The following TBX15 variants were observed in gnomAD, a reference collection of about 807,000 sequenced individuals.
The protein encoded by TBX15 is T-box transcription factor TBX15.
A neutral mutation model predicts 53.9 loss-of-function variants in TBX15; 18 were observed. The observed-to-expected ratio is 0.33, with a 90% CI of 0.23 to 0.49. The LOEUF is 0.49. Ranked by LOEUF, TBX15 falls within the 20% of genes least tolerant of loss-of-function variation. TBX15 has a pLI of 0.98. For missense variants in TBX15, 692 were observed against 749.5 expected, an observed-to-expected ratio of 0.92 and a Z score of 0.90; for synonymous variants, 295 against 278.0, an observed-to-expected ratio of 1.06 and a Z score of -0.61.
At chr1:118,912,367 G>A (rs1401065674) in intron 6 of TBX15, among the ~76,000 whole-genome samples, 1 of 151,956 alleles carries the variant, frequency 6.6e-6, no homozygotes, top group African/African-American at 2.4e-5. Context: ...CAGGAAAAAT[G>A]TGCATCTATT....
intron 1 of TBX15, among the ~76,000 whole-genome samples, chr1:118,961,385 T>C (rs1656866649): frequency 6.6e-6 from 1 of 152,228 alleles, no homozygotes; most frequent in African/African-American, 2.4e-5. Context: ...AAATTGAGCA[T>C]GTACTCTTCT....
At chr1:118,894,353 G>A (rs780214909) in intron 7 of TBX15, among the ~76,000 whole-genome samples, 19 of 152,274 alleles carry the variant, frequency 1.2e-4, no homozygotes, top group South Asian at 2.1e-4. Flanking sequence ...CTATTTTAGA[G>A]GTGAGGCAGC....
At chr1:118,985,227 A>G (rs1177393302) in intron 1 of TBX15, among the ~76,000 whole-genome samples, 2 of 152,284 alleles carry the variant, frequency 1.3e-5, no homozygotes, top group East Asian at 3.9e-4. Flanking sequence ...TAAGGACAAA[A>G]GAGTTAAAAC....
chr1:118,897,329 G>A (rs1419288), intron 7 of TBX15, among the ~76,000 whole-genome samples: 8,223 of 152,202 alleles, frequency 0.054, 724 homozygotes, highest in African/African-American at 0.18. Flanking sequence ...CATTGGGTAC[G>A]TACTGGGTGC....
chr1:118,912,944 C>T (rs930597763), intron 6 of TBX15, among the ~76,000 whole-genome samples: 1 of 152,140 alleles, frequency 6.6e-6, no homozygotes, highest in Admixed American at 6.6e-5. Context: ...TTTCTCAGTA[C>T]ATACAATTTT....
chr1:118,918,754 A>G (rs185006783), intron 5 of TBX15, among the ~76,000 whole-genome samples: 12 of 152,276 alleles, frequency 7.9e-5, no homozygotes, highest in Non-Finnish European at 1.3e-4. Flanking sequence ...GCCTAGTAAC[A>G]TGGAGGCAGT....
In TBX15 at chr1:118,884,605, GAAAAAAAA is replaced by G. The variant is rs536044359; in HGVS notation, c.*119_*126del. 5.2e-6 allele frequency: 4 copies of G among 770,010 alleles called. No individual in the cohort carries two copies. Among genetic ancestry groups the G allele is most frequent in the South Asian group, 2.0e-5 (1 of 50,926 alleles). The allele number at this position is 770,010 out of a possible 1,614,324, so 47.7% of individuals were successfully genotyped here. A position where few individuals can be genotyped will look rare whatever the true frequency, so the allele number is the denominator to read the frequency against. ...GTTCTTGGGTATATGTCTTCGGCCA[GAAAAAAAA>G]AAAAAAAAAAAACACGGTTCCTGTT... On this transcript the variant is annotated 3_prime_UTR_variant, in exon 8 of 8. Coordinates refer to ENST00000369429, the MANE Select transcript of TBX15 (RefSeq NM_001330677.2).
At chr1:118,960,916 G>A (rs911704815) in intron 1 of TBX15, among the ~76,000 whole-genome samples, 1 of 152,170 alleles carries the variant, frequency 6.6e-6, no homozygotes, top group Admixed American at 6.5e-5. Context: ...GTGTGAGGGA[G>A]GAGCAATTTG....
Position 118,931,949 on chromosome 1 carries a change from A to T in TBX15, c.206-117T>A, listed in dbSNP as rs566338288. 1.3e-5 allele frequency: 13 copies of T among 973,564 alleles called. No individual in the cohort carries two copies. In the African/African-American group the frequency reaches 1.8e-4, roughly 14 times the overall value. 60.3% of individuals were successfully genotyped at this position (973,564 alleles called of 1,614,324 possible). Reference sequence around the variant, plus strand: ...TGGGGAGAGGGGTAAACAAAAGGAGACTTAAAGCTGGGAAGCTCCAGAGCA... The same window carrying T: ...TGGGGAGAGGGGTAAACAAAAGGAGTCTTAAAGCTGGGAAGCTCCAGAGCA... On this transcript the variant is annotated intron_variant, in intron 1 of 7. Transcript: ENST00000369429.
intron 5 of TBX15, among the ~76,000 whole-genome samples, chr1:118,914,954 G>C (rs562636357): frequency 6.6e-6 from 1 of 152,246 alleles, no homozygotes; most frequent in Admixed American, 6.5e-5. Flanking sequence ...GGGCCATGTG[G>C]TTCAACCCCC....
At chr1:118,897,341 A>G (rs1654464872) in intron 7 of TBX15, among the ~76,000 whole-genome samples, 1 of 152,184 alleles carries the variant, frequency 6.6e-6, no homozygotes, top group African/African-American at 2.4e-5. Context: ...ACTGGGTGCC[A>G]GGCCCTGTAG....
chr1:118,923,750 TG>T, intron 4 of TBX15, 147 bp from the exon 5 acceptor site: 1 of 916,380 alleles, frequency 1.1e-6, no homozygotes, highest in Non-Finnish European at 1.7e-6. Context: ...TCAGTATACT[TG>T]CCCAGGAAGA....
intron 1 of TBX15, among the ~76,000 whole-genome samples, chr1:118,938,444 C>A (rs920422085): frequency 6.6e-6 from 1 of 152,200 alleles, no homozygotes; most frequent in East Asian, 1.9e-4. Context: ...ATCCTGAGAA[C>A]AAAGCCTTTG....
At chr1:118,969,863 TTG>T (rs1200090634) in intron 1 of TBX15, among the ~76,000 whole-genome samples, 1 of 152,254 alleles carries the variant, frequency 6.6e-6, no homozygotes, top group East Asian at 1.9e-4. Flanking sequence ...CTCCAGTCTG[TTG>T]GCCTTTGATA....
At chr1:118,933,904 C>G (rs1655882689) in intron 1 of TBX15, among the ~76,000 whole-genome samples, 1 of 152,072 alleles carries the variant, frequency 6.6e-6, no homozygotes, top group Non-Finnish European at 1.5e-5. Flanking sequence ...AAAGAGACAC[C>G]TTAAGTAGGA....
At chr1:118,980,079 A>G (rs1396067346) in intron 1 of TBX15, among the ~76,000 whole-genome samples, 1 of 152,208 alleles carries the variant, frequency 6.6e-6, no homozygotes, top group Admixed American at 6.5e-5. Context: ...GGTTGAAGAG[A>G]AGAGATGCAA....
intron 7 of TBX15, among the ~76,000 whole-genome samples, chr1:118,895,876 A>G (rs1654407060): frequency 6.6e-6 from 1 of 152,226 alleles, no homozygotes; most frequent in Non-Finnish European, 1.5e-5. Context: ...AATAAGAAAA[A>G]TAATGTAACC....
chr1:118,966,636 T>C (rs1657042492), intron 1 of TBX15, among the ~76,000 whole-genome samples: 1 of 152,188 alleles, frequency 6.6e-6, no homozygotes, highest in African/African-American at 2.4e-5. Flanking sequence ...GAAGGTATAT[T>C]GAGGCTGGGC....
At position 118,898,426 on chromosome 1, in the gene TBX15, C is replaced by T. The variant is rs116050230; in HGVS notation, c.1024+602G>A. Among the ~76,000 whole-genome samples, 541 of 152,068 alleles carry T rather than the reference C, an allele frequency of 3.6e-3. 3 individuals are homozygous for T. The highest frequency in any genetic ancestry group is 0.012 in the African/African-American group (501 of 41,468). The stretch of plus-strand genomic sequence containing the variant: ...GCCACAGGTTTCCCAACCTGAGCTG[C>T]GAGGAAAGAAAAATTATAAATTGGA... On this transcript the variant is annotated intron_variant, in intron 7 of 7. Transcript: ENST00000369429.
Sources: allele counts gnomAD v4.1 joint callset (sites outside exome capture counted in the v4.1 genomes callset), GRCh38; gene constraint gnomAD v4.1.1; transcripts MANE v1.5; gene names NCBI Gene and HGNC (gene_info 2026-07-23, HGNC 2026-07-21).